IL34: variants seen among roughly 807,000 people sequenced by gnomAD.
IL34 encodes interleukin-34.
Under a neutral mutation model 25.3 loss-of-function variants are expected in IL34, and 17 were observed. That is an observed-to-expected ratio of 0.67 (90% CI 0.46 to 1.01). The LOEUF is 1.01. Among genes scored for constraint, IL34 ranks in the 50% least tolerant of loss-of-function variants. IL34 has a pLI of 0.00. For missense variants in IL34, 368 were observed against 312.9 expected (o/e 1.18, Z -1.33); for synonymous variants, 174 against 140.9 (o/e 1.23, Z -1.66).
In IL34 at chr16:70,622,746, C is replaced by T. The variant is rs556343194; in HGVS notation, c.-400-23802C>T. Among the ~76,000 whole-genome samples the T allele has an allele frequency of 9.2e-5, 14 of 151,854 alleles. No individual in the cohort carries two copies. The South Asian group carries it at 1.5e-3, about 16-fold the overall frequency. ...AAAGAGTGAGTACAGCTGAAGGAGC[C>T]GGGGAGCAGAAAGTATATGCTTCAG... is the stretch of plus-strand genomic sequence containing the variant. On this transcript the variant is annotated intron_variant, in intron 1 of 6. Transcript: ENST00000429149.
At chr16:70,636,223 G>C (rs2051640005) in intron 1 of IL34, among the ~76,000 whole-genome samples, 1 of 151,732 alleles carries the variant, frequency 6.6e-6, no homozygotes, top group Non-Finnish European at 1.5e-5. Flanking sequence ...GTTCTTAGTA[G>C]AGACAGAGTT....
intron 1 of IL34, among the ~76,000 whole-genome samples, chr16:70,586,054 G>A (rs945550147): frequency 2.7e-5 from 4 of 150,868 alleles, no homozygotes; most frequent in African/African-American, 7.3e-5. Flanking sequence ...GGATGGTCTC[G>A]ATCTCCTGAC....
chr16:70,628,529 C>T (rs1405604638), intron 1 of IL34, among the ~76,000 whole-genome samples: 1 of 151,220 alleles, frequency 6.6e-6, no homozygotes, highest in Non-Finnish European at 1.5e-5. Context: ...CTCTGTTGCC[C>T]AGGCTGGAAT....
chr16:70,609,459 T>C (rs1035766251), intron 1 of IL34, among the ~76,000 whole-genome samples: 9 of 152,098 alleles, frequency 5.9e-5, no homozygotes, highest in Admixed American at 5.2e-4. Context: ...CTCTCAGCCT[T>C]AGTCTTCTGT....
intron 1 of IL34, among the ~76,000 whole-genome samples, chr16:70,636,824 C>T (rs996324737): frequency 2.6e-5 from 4 of 151,930 alleles, no homozygotes; most frequent in African/African-American, 9.7e-5. Flanking sequence ...AAGAAGAATA[C>T]TCTAATATAA....
chr16:70,646,982 A>T lies in IL34; in HGVS notation c.28+7A>T. The T allele has an allele frequency of 6.9e-7, 1 of 1,455,838 alleles. No individual in the cohort carries two copies. The highest frequency in any genetic ancestry group is 9.0e-7 in the Non-Finnish European group (1 of 1,112,786). The allele number at this position is 1,455,838 out of a possible 1,614,324, so 90.2% of individuals were successfully genotyped here. ...GGCTTCACCTGGCTGCGCTGTGAGT[A>T]CTGGGGGGTCCCTAGGGACCTGCAT... On this transcript the variant is annotated splice_region_variant and intron_variant, in intron 1 of 5. Coordinates refer to ENST00000288098, the MANE Select transcript of IL34 (RefSeq NM_001393494.1).
chr16:70,600,889 G>A (rs904548859), intron 1 of IL34, among the ~76,000 whole-genome samples: 1 of 149,674 alleles, frequency 6.7e-6, no homozygotes, highest in African/African-American at 2.5e-5. Context: ...GATGCTGGGA[G>A]AAGTAGGAGA....
chr16:70,608,880 G>A (rs994263032), intron 1 of IL34, among the ~76,000 whole-genome samples: 1 of 152,112 alleles, frequency 6.6e-6, no homozygotes, highest in Non-Finnish European at 1.5e-5. Context: ...CTCAGGCAGC[G>A]AGGAAGGCGG....
intron 1 of IL34, among the ~76,000 whole-genome samples, chr16:70,598,904 AAGGTGCAAAATCACATC>A (rs2050864104): frequency 1.3e-5 from 2 of 152,166 alleles, no homozygotes; most frequent in African/African-American, 4.8e-5. Context: ...GGGGGTTCAG[AAGGTGCAAAATCACATC>A]AGGCCTGCTC....
At chr16:70,635,423 C>T (rs2051618996) in intron 1 of IL34, among the ~76,000 whole-genome samples, 1 of 152,198 alleles carries the variant, frequency 6.6e-6, no homozygotes, top group Non-Finnish European at 1.5e-5. Flanking sequence ...AGCACAAAGG[C>T]CTGTTGGAGG....
At position 70,631,202 on chromosome 16, in the gene IL34, C is replaced by G. The variant is rs918264111; in HGVS notation, c.-400-15346C>G. ...TTGGTTTTTCCAGTGTCTTGTGCCC[C>G]CAGCTGGAGAAGCTCCTTTGACTGA... On this transcript the variant is annotated intron_variant, in intron 1 of 6. Transcript: ENST00000429149. 7.9e-5 allele frequency among the ~76,000 whole-genome samples: 12 copies of G among 152,278 alleles called. No individual in the cohort carries two copies. The East Asian group carries it at 1.9e-3, about 24-fold the overall frequency.
chr16:70,608,419 C>T (rs530978524), intron 1 of IL34, among the ~76,000 whole-genome samples: 24 of 152,272 alleles, frequency 1.6e-4, no homozygotes, highest in African/African-American at 2.9e-4. Flanking sequence ...TGAGCCACCA[C>T]GACCGGCCTT....
intron 1 of IL34, among the ~76,000 whole-genome samples, chr16:70,580,954 C>G (rs1038067427): frequency 6.6e-6 from 1 of 151,110 alleles, no homozygotes; most frequent in Non-Finnish European, 1.5e-5. Context: ...CTGTGTCGAC[C>G]AGGCTGGAGT....
intron 4 of IL34, among the ~76,000 whole-genome samples, chr16:70,659,313 G>A (rs1322591222): frequency 6.6e-6 from 1 of 152,218 alleles, no homozygotes; most frequent in Non-Finnish European, 1.5e-5. Context: ...ACGCAGTGGT[G>A]GGTGGCCGTG....
chr16:70,585,272 C>G (rs1175773390), intron 1 of IL34, among the ~76,000 whole-genome samples: 1 of 152,154 alleles, frequency 6.6e-6, no homozygotes, highest in African/African-American at 2.4e-5. Flanking sequence ...GAGTCTTGCT[C>G]TGTCATCCAG....
At chr16:70,641,172 G>C (rs1164583720) in intron 1 of IL34, among the ~76,000 whole-genome samples, 3 of 152,108 alleles carry the variant, frequency 2.0e-5, no homozygotes, top group Non-Finnish European at 4.4e-5. Flanking sequence ...TGCTTGGGAG[G>C]CTAAGCAGGG....
chr16:70,602,490 G>T (rs1020543643), intron 1 of IL34, among the ~76,000 whole-genome samples: 3 of 151,924 alleles, frequency 2.0e-5, no homozygotes, highest in Non-Finnish European at 2.9e-5. Context: ...CCACGATCAT[G>T]CCACTGCACT....
intron 1 of IL34, chr16:70,580,090 C>G (rs2050620732): frequency 6.6e-6 from 1 of 152,488 alleles, no homozygotes; most frequent in Admixed American, 6.5e-5. Flanking sequence ...CCTGGCTTTC[C>G]TCTGCCTCTG....
chr16:70,619,306 G>A (rs990582355), intron 1 of IL34, among the ~76,000 whole-genome samples: 2 of 152,032 alleles, frequency 1.3e-5, no homozygotes, highest in African/African-American at 2.4e-5. Context: ...GTATCTTGTG[G>A]GTTAAGGTGG....
Sources: gnomAD v4.1 joint callset for allele counts (sites outside exome capture counted in the v4.1 genomes callset) on GRCh38, gnomAD v4.1.1 for gene constraint, MANE v1.5 for transcripts, NCBI Gene and HGNC (gene_info 2026-07-23, HGNC 2026-07-21) for gene names.